Variants in ARL5A observed in about 807,000 individuals in gnomAD.
The protein encoded by ARL5A is ADP-ribosylation factor-like protein 5A.
In ARL5A, 18 loss-of-function variants were observed where a neutral mutation model predicts 25.9. That is an observed-to-expected ratio of 0.69 (90% CI 0.48 to 1.03). The LOEUF is 1.03. Ranked by LOEUF, ARL5A falls within the 50% of genes least tolerant of loss-of-function variation. ARL5A has a pLI of 0.00. For synonymous variants in ARL5A, 61 were observed against 67.5 expected (o/e 0.90, Z 0.47); for missense variants, 170 against 211.9 (o/e 0.80, Z 1.23).
In ARL5A at chr2:151,802,411, T is replaced by G. The variant is rs1280015665; in HGVS notation, c.*865A>C. 6.6e-6 allele frequency: 1 copy of G among 152,126 alleles called. No individual in the cohort carries two copies. The highest frequency in any genetic ancestry group is 1.5e-5 in the Non-Finnish European group (1 of 67,982). The allele number at this position is 152,126 out of a possible 1,614,324, so 9.4% of individuals were successfully genotyped here. A position where few individuals can be genotyped will look rare whatever the true frequency, so the allele number is the denominator to read the frequency against. On this transcript the variant is annotated 3_prime_UTR_variant, in exon 6 of 6. Coordinates refer to ENST00000295087, the MANE Select transcript of ARL5A (RefSeq NM_012097.4). ...CACTGATTAATGGATTAATAATTTA[T>G]TCAGTAATTTAGATGCCATAAGAAC...
At chr2:151,821,789 CTTTTTTTTTTT>C (rs34042323) in intron 1 of ARL5A, among the ~76,000 whole-genome samples, 1 of 90,128 alleles carries the variant, frequency 1.1e-5, no homozygotes, top group Non-Finnish European at 2.4e-5. Context: ...TTTTTTTTTT[CTTTTTTTTTTT>C]TTTTTTTGAG....
intron 1 of ARL5A, among the ~76,000 whole-genome samples, chr2:151,816,866 A>T (rs1033680978): frequency 6.6e-6 from 1 of 152,244 alleles, no homozygotes; most frequent in Non-Finnish European, 1.5e-5. Context: ...CCAATACTGC[A>T]TAATAGTATA....
intron 1 of ARL5A, among the ~76,000 whole-genome samples, chr2:151,816,555 AC>A (rs2099831536): frequency 6.6e-6 from 1 of 152,208 alleles, no homozygotes; most frequent in South Asian, 2.1e-4. Flanking sequence ...TGAGCAAATG[AC>A]TTTTATTATT....
At chr2:151,804,884 T>C (rs973169943) in intron 5 of ARL5A, among the ~76,000 whole-genome samples, 1 of 152,154 alleles carries the variant, frequency 6.6e-6, no homozygotes, top group African/African-American at 2.4e-5. Flanking sequence ...TAGATCAAGG[T>C]AGCTGAACTA....
At chr2:151,818,556 T>A (rs939694722) in intron 1 of ARL5A, among the ~76,000 whole-genome samples, 1 of 152,116 alleles carries the variant, frequency 6.6e-6, no homozygotes, top group Admixed American at 6.5e-5. Flanking sequence ...GGATTACAGG[T>A]GCAAGCCACT....
intron 1 of ARL5A, 144 bp downstream of exon 1, chr2:151,827,987 G>C (rs751854418): frequency 3.0e-4 from 239 of 801,180 alleles, no homozygotes; most frequent in Non-Finnish European, 4.6e-4. Flanking sequence ...AACCGTCCCG[G>C]GCCCGTATCC....
At position 151,803,195 on chromosome 2, in the gene ARL5A, C is replaced by T; in HGVS notation, c.*81G>A. The T allele has an allele frequency of 1.0e-6, 1 of 970,390 alleles. No homozygotes were observed. The highest frequency in any genetic ancestry group is 1.6e-6 in the Non-Finnish European group (1 of 631,268). The allele number at this position is 970,390 out of a possible 1,614,324, so 60.1% of individuals were successfully genotyped here. The stretch of plus-strand genomic sequence containing the variant: ...TTAAATCAGTTTATTATAAATATAT[C>T]TAAACCATTAATTTTTGCAGCTTTC... On this transcript the variant is annotated 3_prime_UTR_variant, in exon 6 of 6. Transcript: ENST00000295087.
chr2:151,820,435 G>A lies in ARL5A; in HGVS notation c.47-5236C>T, dbSNP rs528590903. ...AGCACTTTGGGGGGCTGAGGCGGGTGGATCACTTGAGGTCAGGAGTCCAAA... is the reference window on the plus strand; with the variant it reads ...AGCACTTTGGGGGGCTGAGGCGGGTAGATCACTTGAGGTCAGGAGTCCAAA... On this transcript the variant is annotated intron_variant, in intron 1 of 5. Transcript: ENST00000295087. Among the ~76,000 whole-genome samples the A allele has an allele frequency of 3.3e-5, 5 of 152,166 alleles. No homozygotes were observed. In the South Asian group the frequency reaches 1.0e-3, roughly 32 times the overall value.
chr2:151,806,680 T>C, intron 5 of ARL5A, 141 bp downstream of exon 5: 1 of 772,630 alleles, frequency 1.3e-6, no homozygotes, highest in Non-Finnish European at 1.9e-6. Context: ...AGTCTCTGAT[T>C]ATAGACATGA....
At chr2:151,809,384 T>A (rs904225269) in intron 4 of ARL5A, among the ~76,000 whole-genome samples, 1 of 152,194 alleles carries the variant, frequency 6.6e-6, no homozygotes, top group Non-Finnish European at 1.5e-5. Flanking sequence ...TCTCCAAATA[T>A]CTTAAATCAG....
chr2:151,828,298 C>A lies in ARL5A; in HGVS notation c.-122G>T. On this transcript the variant is annotated 5_prime_UTR_variant, in exon 1 of 6. Transcript: ENST00000295087. ...CCTCTGCTGCTGCTCCCGCGCTGGT[C>A]GCGGGCCCGCTTCCAGGGAACCGGA... is the stretch of plus-strand genomic sequence containing the variant. 2 of 874,830 alleles carry A rather than the reference C, an allele frequency of 2.3e-6. No homozygotes were observed. The highest frequency in any genetic ancestry group is 1.7e-5 in the South Asian group (1 of 58,234). 54.2% of individuals were successfully genotyped at this position (874,830 alleles called of 1,614,324 possible).
In ARL5A at chr2:151,828,200, T is replaced by A. The variant is rs201916854; in HGVS notation, c.-24A>T. ...ATTCTCGGGCAGCGGACCCCCCCCC[T>A]CCAGACACCCGGGCCGCCTGGCTTC... On this transcript the variant is annotated 5_prime_UTR_variant, in exon 1 of 6. Transcript: ENST00000295087. 2.3e-6 allele frequency: 3 copies of A among 1,294,012 alleles called. No individual in the cohort carries two copies. The highest frequency in any genetic ancestry group is 4.9e-5 in the East Asian group (2 of 40,970). 80.2% of individuals were successfully genotyped at this position (1,294,012 alleles called of 1,614,324 possible).
rs1309301295 is a variant in ARL5A, at chr2:151,815,339, C to A, written c.47-140G>T. 7.8e-6 allele frequency: 5 copies of A among 644,428 alleles called. No individual in the cohort carries two copies. The Admixed American group carries it at 1.5e-4, about 20-fold the overall frequency. 39.9% of individuals were successfully genotyped at this position (644,428 alleles called of 1,614,324 possible). The stretch of plus-strand genomic sequence containing the variant: ...TGGCACTTTATACTTTCTCAGAAGT[C>A]AAAAGAACATCCTAGCAAGACCAGC... On this transcript the variant is annotated intron_variant, in intron 1 of 5. Transcript: ENST00000295087.
intron 1 of ARL5A, among the ~76,000 whole-genome samples, chr2:151,818,951 T>C (rs1015797637): frequency 7.9e-5 from 12 of 151,782 alleles, no homozygotes; most frequent in African/African-American, 2.9e-4. Flanking sequence ...ATTCCCCCAA[T>C]GTATTAGCTA....
chr2:151,806,380 CTTCT>C (rs2099830112), intron 5 of ARL5A, among the ~76,000 whole-genome samples: 1 of 152,124 alleles, frequency 6.6e-6, no homozygotes, highest in Non-Finnish European at 1.5e-5. Context: ...TTGATTTGAG[CTTCT>C]TTATGCAGAA....
intron 1 of ARL5A, among the ~76,000 whole-genome samples, chr2:151,825,734 T>C (rs2099832960): frequency 1.3e-5 from 2 of 151,944 alleles, no homozygotes; most frequent in African/African-American, 2.4e-5. Context: ...CAAGAGTTTC[T>C]ATGAAAAGAA....
At position 151,801,086 on chromosome 2, in the gene ARL5A, T is replaced by G. The variant is rs145368580; in HGVS notation, c.*2190A>C. ...TTTCCCAACTATAATTTTGGTTTTA[T>G]GTACAAGTACACAAGTACCACCTTA... is the stretch of plus-strand genomic sequence containing the variant. On this transcript the variant is annotated 3_prime_UTR_variant, in exon 6 of 6. Coordinates refer to ENST00000295087, the MANE Select transcript of ARL5A (RefSeq NM_012097.4). The G allele has an allele frequency of 1.3e-5, 2 of 152,778 alleles. No homozygotes were observed. The highest frequency in any genetic ancestry group is 4.8e-5 in the African/African-American group (2 of 41,596). The allele number at this position is 152,778 out of a possible 1,614,324, so 9.5% of individuals were successfully genotyped here.
At chr2:151,821,775 C>CTTTTTTTTTTTTTTTTT (rs760341359) in intron 1 of ARL5A, among the ~76,000 whole-genome samples, 4 of 113,542 alleles carry the variant, frequency 3.5e-5, no homozygotes, top group African/African-American at 1.4e-4. Context: ...GCCCGGCTTT[C>CTTTTTTTTTTTTTTTTT]TTTTTTTTTT....
At chr2:151,822,848 T>C (rs1020512964) in intron 1 of ARL5A, among the ~76,000 whole-genome samples, 1 of 152,216 alleles carries the variant, frequency 6.6e-6, no homozygotes, top group Non-Finnish European at 1.5e-5. Context: ...TACTTTACTG[T>C]TTTGTCATGA....
Sources: gnomAD v4.1 joint callset for allele counts (sites outside exome capture counted in the v4.1 genomes callset) on GRCh38, gnomAD v4.1.1 for gene constraint, MANE v1.5 for transcripts, NCBI Gene and HGNC (gene_info 2026-07-23, HGNC 2026-07-21) for gene names.